The following PIK3AP1 variants were observed in gnomAD, a reference collection of about 807,000 sequenced individuals.
PIK3AP1 encodes the protein phosphoinositide 3-kinase adapter protein 1.
A neutral mutation model predicts 88.1 loss-of-function variants in PIK3AP1; 21 were observed. The observed-to-expected ratio is 0.24, with a 90% CI of 0.17 to 0.34. PIK3AP1 has a LOEUF of 0.34. Among genes scored for constraint, PIK3AP1 ranks in the 10% least tolerant of loss-of-function variants. The pLI is 1.00. For missense variants in PIK3AP1, 828 were observed against 1,035.7 expected, an observed-to-expected ratio of 0.80 and a Z score of 2.75; for synonymous variants, 398 against 400.0, an observed-to-expected ratio of 1.00 and a Z score of 0.06.
intron 1 of PIK3AP1, among the ~76,000 whole-genome samples, chr10:96,711,702 A>C (rs1293184536): frequency 6.7e-6 from 1 of 148,758 alleles, no homozygotes; most frequent in Non-Finnish European, 1.5e-5. Flanking sequence ...ATGCAAGCCC[A>C]ACATAGTTCT....
chr10:96,646,840 C>T (rs1010073982), intron 7 of PIK3AP1, among the ~76,000 whole-genome samples: 7 of 152,212 alleles, frequency 4.6e-5, no homozygotes, highest in African/African-American at 1.2e-4. Context: ...CTCTGCACAA[C>T]TTTTCCTGGT....
chr10:96,708,818 A>G (rs572128821), intron 2 of PIK3AP1, among the ~76,000 whole-genome samples: 2 of 152,130 alleles, frequency 1.3e-5, no homozygotes, highest in African/African-American at 2.4e-5. Context: ...CTATTTCTCT[A>G]TAAACATGTT....
intron 3 of PIK3AP1, 52 bp from the exon 4 acceptor site, chr10:96,652,894 G>T: frequency 6.3e-7 from 1 of 1,588,884 alleles, no homozygotes; most frequent in Non-Finnish European, 8.5e-7. Flanking sequence ...TCCCCGTAGG[G>T]TGTTGGGCCC....
chr10:96,628,895 T>TATATATAC (rs1843195297), intron 8 of PIK3AP1, among the ~76,000 whole-genome samples: 1 of 29,420 alleles, frequency 3.4e-5, no homozygotes, highest in African/African-American at 9.5e-5. Flanking sequence ...TATACATATA[T>TATATATAC]ATATATATAT....
chr10:96,603,750 A>G (rs959446510), intron 15 of PIK3AP1: 23 of 466,228 alleles, frequency 4.9e-5, no homozygotes, highest in Non-Finnish European at 8.2e-5. Context: ...AGAGAACCCT[A>G]ATACACCTGT....
At chr10:96,610,834 C>G (rs1012464342) in intron 13 of PIK3AP1, among the ~76,000 whole-genome samples, 28 of 152,178 alleles carry the variant, frequency 1.8e-4, no homozygotes, top group African/African-American at 6.8e-4. Flanking sequence ...CTCCTGAAGG[C>G]AAGATGTGCT....
intron 7 of PIK3AP1, 65 bp downstream of exon 7, chr10:96,648,594 G>A: frequency 1.3e-6 from 2 of 1,495,468 alleles, no homozygotes; most frequent in Non-Finnish European, 1.8e-6. Flanking sequence ...TATTTTGGGT[G>A]AAAGGGCAGC....
At chr10:96,660,084 AT>A (rs1843665685) in intron 2 of PIK3AP1, among the ~76,000 whole-genome samples, 1 of 152,178 alleles carries the variant, frequency 6.6e-6, no homozygotes, top group Admixed American at 6.5e-5. Flanking sequence ...TTAAGGCTTC[AT>A]TCCCATAAAA....
intron 2 of PIK3AP1, among the ~76,000 whole-genome samples, chr10:96,707,076 G>T (rs1844373520): frequency 6.6e-6 from 1 of 152,198 alleles, no homozygotes; most frequent in South Asian, 2.1e-4. Context: ...CTGATGAGAA[G>T]TTCCTGCTCT....
intron 2 of PIK3AP1, among the ~76,000 whole-genome samples, chr10:96,685,527 G>A (rs1334834731): frequency 6.6e-6 from 1 of 152,228 alleles, no homozygotes; most frequent in Non-Finnish European, 1.5e-5. Flanking sequence ...GAGGGGAGAT[G>A]TGTCTCCATT....
intron 2 of PIK3AP1, among the ~76,000 whole-genome samples, chr10:96,657,315 A>T (rs1298590039): frequency 2.0e-5 from 3 of 152,190 alleles, no homozygotes; most frequent in Non-Finnish European, 4.4e-5. Flanking sequence ...GGGACTGTCC[A>T]CTTAAAGGTC....
intron 2 of PIK3AP1, among the ~76,000 whole-genome samples, chr10:96,662,412 G>A (rs1843700226): frequency 6.6e-6 from 1 of 151,674 alleles, no homozygotes; most frequent in African/African-American, 2.4e-5. Context: ...GATCAGCCTG[G>A]CCAACATGGT....
rs1285143382 is a variant in PIK3AP1 at position 96,626,860 on chromosome 10, A to T, written c.1517T>A (p.Leu506His). 29 of 1,614,130 alleles carry T rather than the reference A, an allele frequency of 1.8e-5. No individual in the cohort carries two copies. The highest frequency in any genetic ancestry group is 2.2e-5 in the Non-Finnish European group (26 of 1,180,030). ...GTGATAAACATCTTCTTCCTGACCA[A>T]GATGGCACTGATCTCTCTCCAGATT... ...MTNLERDQCH[L>H]GQEEDVYHTV... The change falls in exon 10 of 17, where the codon CTT becomes CAT. Residue 506 changes from leucine to histidine, a missense_variant. Physicochemically the swap from Leu to His is moderately conservative, Grantham distance 99 (BLOSUM62 -3). Coordinates refer to ENST00000339364, the MANE Select transcript of PIK3AP1 (RefSeq NM_152309.3).
chr10:96,622,085 G>A (rs1472535854), intron 11 of PIK3AP1, among the ~76,000 whole-genome samples: 1 of 152,230 alleles, frequency 6.6e-6, no homozygotes, highest in Admixed American at 6.5e-5. Context: ...TAAGCAGCAT[G>A]AGGCACAGTG....
chr10:96,694,747 C>G (rs1000774022), intron 2 of PIK3AP1, among the ~76,000 whole-genome samples: 4 of 152,014 alleles, frequency 2.6e-5, no homozygotes, highest in South Asian at 4.1e-4. Flanking sequence ...CTATATTGCC[C>G]AGGCTGGTCT....
chr10:96,619,150 G>C (rs769835252), intron 12 of PIK3AP1, among the ~76,000 whole-genome samples: 7 of 152,196 alleles, frequency 4.6e-5, no homozygotes, highest in African/African-American at 7.2e-5. Flanking sequence ...CGTGTATGAG[G>C]AGTGAAAGAG....
chr10:96,640,776 G>A (rs1481771890), intron 8 of PIK3AP1, among the ~76,000 whole-genome samples: 1 of 151,820 alleles, frequency 6.6e-6, no homozygotes, highest in Admixed American at 6.6e-5. Flanking sequence ...TCCCACCAGA[G>A]CCTCCTGAGT....
intron 13 of PIK3AP1, among the ~76,000 whole-genome samples, chr10:96,616,237 A>C (rs1849213459): frequency 6.6e-6 from 1 of 152,144 alleles, no homozygotes; most frequent in Admixed American, 6.5e-5. Context: ...AGATGACGCC[A>C]TTGCTCACCA....
At chr10:96,692,478 G>A (rs1190934869) in intron 2 of PIK3AP1, among the ~76,000 whole-genome samples, 2 of 152,006 alleles carry the variant, frequency 1.3e-5, no homozygotes, top group African/African-American at 4.8e-5. Flanking sequence ...GGAGGCTGAG[G>A]CAGCAGAATC....
Sources: gnomAD v4.1 joint callset for allele counts (sites outside exome capture counted in the v4.1 genomes callset) on GRCh38, gnomAD v4.1.1 for gene constraint, MANE v1.5 for transcripts, NCBI Gene and HGNC (gene_info 2026-07-23, HGNC 2026-07-21) for gene names.